The following TGIF2 variants were observed in gnomAD, a reference collection of about 807,000 sequenced individuals.
The protein encoded by TGIF2 is homeobox protein TGIF2.
A neutral mutation model predicts 15.1 loss-of-function variants in TGIF2; 5 were observed. The ratio of observed to expected loss-of-function variants is 0.33; its 90% CI spans 0.17 to 0.70. The LOEUF is 0.70. Ranked by LOEUF, TGIF2 falls within the 30% of genes least tolerant of loss-of-function variation. TGIF2 has a pLI of 0.67. For missense variants in TGIF2, 264 were observed against 302.5 expected, an observed-to-expected ratio of 0.87 and a Z score of 0.94; for synonymous variants, 131 against 128.9, an observed-to-expected ratio of 1.02 and a Z score of -0.11.
intron 2 of TGIF2, among the ~76,000 whole-genome samples, chr20:36,580,414 G>T (rs1367280803): frequency 1.3e-5 from 2 of 152,130 alleles, no homozygotes; most frequent in East Asian, 3.9e-4. Flanking sequence ...CCTTGGCCAG[G>T]TCACTGCCTT....
intron 1 of TGIF2, among the ~76,000 whole-genome samples, chr20:36,575,818 C>T (rs1016012042): frequency 2.0e-5 from 3 of 151,976 alleles, no homozygotes; most frequent in Non-Finnish European, 4.4e-5. Flanking sequence ...TCTGGCTGGG[C>T]GGGGTGGCTC....
At chr20:36,576,044 A>G (rs1343085473) in intron 1 of TGIF2, among the ~76,000 whole-genome samples, 2 of 151,872 alleles carry the variant, frequency 1.3e-5, no homozygotes, top group Non-Finnish European at 2.9e-5. Context: ...GTGAGCCAAG[A>G]TTGCGCCACT....
At chr20:36,588,443 G>T (rs559005235) in intron 2 of TGIF2, among the ~76,000 whole-genome samples, 1 of 124,550 alleles carries the variant, frequency 8.0e-6, no homozygotes, top group South Asian at 2.8e-4. Flanking sequence ...TTGACTCACC[G>T]CAACCTCTGC....
At chr20:36,578,609 C>G (rs560680696) in intron 1 of TGIF2, 132 bp from the exon 2 acceptor site, 1 of 1,019,130 alleles carries the variant, frequency 9.8e-7, no homozygotes, top group Non-Finnish European at 1.4e-6. Context: ...GTCTGTGTTA[C>G]GGCCTGAGAT....
intron 2 of TGIF2, among the ~76,000 whole-genome samples, chr20:36,587,947 G>C (rs2038692540): frequency 6.6e-6 from 1 of 152,006 alleles, no homozygotes; most frequent in Non-Finnish European, 1.5e-5. Flanking sequence ...GCACATGTCT[G>C]TGGTCCCAGC....
rs60435168 is a variant in TGIF2, at chr20:36,593,280, GTGGA to G, written c.*1851_*1854del. On this transcript the variant is annotated 3_prime_UTR_variant, in exon 3 of 3. Transcript: ENST00000373872. ...CCTGGATACTGACTAACTTGGGTGG[GTGGA>G]TCTAGCCAGGAGAAAGACAGTAACA... 148,992 of 152,484 alleles carry G rather than the reference GTGGA, an allele frequency of 0.98. 72,802 individuals are homozygous for G. The highest frequency in any genetic ancestry group is 1 in the East Asian group (5,157 of 5,160). The allele number at this position is 152,484 out of a possible 1,614,324, so 9.4% of individuals were successfully genotyped here.
At chr20:36,575,755 C>T (rs949768355) in intron 1 of TGIF2, among the ~76,000 whole-genome samples, 4 of 152,054 alleles carry the variant, frequency 2.6e-5, no homozygotes, top group Admixed American at 6.6e-5. Context: ...AAGGGAGGAG[C>T]CTTGAGATCC....
intron 2 of TGIF2, among the ~76,000 whole-genome samples, chr20:36,583,029 A>AC (rs2147929409): frequency 6.6e-6 from 1 of 152,142 alleles, no homozygotes; most frequent in South Asian, 2.1e-4. Context: ...TAATTCCAGC[A>AC]CTTTGGGAGG....
chr20:36,588,688 T>C (rs1050406367), intron 2 of TGIF2, among the ~76,000 whole-genome samples: 4 of 151,278 alleles, frequency 2.6e-5, no homozygotes, highest in African/African-American at 9.7e-5. Context: ...TGGAATGGAA[T>C]GGGAGAGAAG....
intron 1 of TGIF2, among the ~76,000 whole-genome samples, chr20:36,575,309 A>G (rs1417740822): frequency 6.6e-6 from 1 of 151,984 alleles, no homozygotes; most frequent in African/African-American, 2.4e-5. Context: ...CTCCCAGACT[A>G]CAGATGGCCC....
chr20:36,588,181 T>A (rs2038697637), intron 2 of TGIF2, among the ~76,000 whole-genome samples: 1 of 151,944 alleles, frequency 6.6e-6, no homozygotes, highest in Admixed American at 6.6e-5. Flanking sequence ...AAGAGCTTTC[T>A]TCTCATTGAG....
intron 2 of TGIF2, among the ~76,000 whole-genome samples, chr20:36,587,563 A>G (rs2147936425): frequency 6.6e-6 from 1 of 152,224 alleles, no homozygotes; most frequent in Middle Eastern, 3.4e-3. Flanking sequence ...GGACACAGGC[A>G]CTGCTCCTGT....
chr20:36,583,387 G>A (rs2038584873), intron 2 of TGIF2, among the ~76,000 whole-genome samples: 1 of 151,652 alleles, frequency 6.6e-6, no homozygotes, highest in Non-Finnish European at 1.5e-5. Context: ...GAGCCCAGGA[G>A]TTCAAGGCTA....
intron 2 of TGIF2, among the ~76,000 whole-genome samples, chr20:36,584,815 A>C (rs2038621246): frequency 6.6e-6 from 1 of 152,150 alleles, no homozygotes; most frequent in Non-Finnish European, 1.5e-5. Context: ...AAGTGCTGGG[A>C]TTACAGGCGT....
At chr20:36,575,312 G>C (rs957433341) in intron 1 of TGIF2, among the ~76,000 whole-genome samples, 2 of 152,108 alleles carry the variant, frequency 1.3e-5, no homozygotes, top group African/African-American at 2.4e-5. Context: ...CCAGACTACA[G>C]ATGGCCCTGT....
At chr20:36,589,678 A>G (rs1463854819) in intron 2 of TGIF2, among the ~76,000 whole-genome samples, 1 of 151,774 alleles carries the variant, frequency 6.6e-6, no homozygotes, top group Non-Finnish European at 1.5e-5. Context: ...GGCGTGAGCC[A>G]CCACGCTCGA....
chr20:36,579,802 G>A (rs555099331), intron 2 of TGIF2, among the ~76,000 whole-genome samples: 1 of 152,282 alleles, frequency 6.6e-6, no homozygotes, highest in South Asian at 2.1e-4. Context: ...GATCTGTTGT[G>A]ACGAATAGAT....
chr20:36,586,605 G>A (rs111540380), intron 2 of TGIF2, among the ~76,000 whole-genome samples: 1 of 151,648 alleles, frequency 6.6e-6, no homozygotes, highest in Non-Finnish European at 1.5e-5. Flanking sequence ...TGAGGCAGGA[G>A]AACTGCTTGA....
chr20:36,584,971 C>T (rs556428850), intron 2 of TGIF2, among the ~76,000 whole-genome samples: 2 of 151,952 alleles, frequency 1.3e-5, no homozygotes, highest in Non-Finnish European at 2.9e-5. Flanking sequence ...CCGAGGCAAA[C>T]GGATCACCTG....
Sources: gnomAD v4.1 joint callset for allele counts (sites outside exome capture counted in the v4.1 genomes callset) on GRCh38, gnomAD v4.1.1 for gene constraint, MANE v1.5 for transcripts, NCBI Gene and HGNC (gene_info 2026-07-23, HGNC 2026-07-21) for gene names.